The following TMX1 variants were observed in gnomAD, a reference collection of about 807,000 sequenced individuals.
TMX1 encodes the protein thioredoxin related transmembrane protein 1.
TMX1 carries 25 observed loss-of-function variants against 36.6 expected under a neutral mutation model. The observed-to-expected ratio is 0.68, with a 90% CI of 0.50 to 0.95. TMX1 has a LOEUF of 0.95. TMX1 is among the 40% of genes least tolerant of loss of function. The pLI, the probability that TMX1 is intolerant of heterozygous loss-of-function variation, is 0.00. For synonymous variants in TMX1, 133 were observed against 118.0 expected (o/e 1.13, Z -0.82); for missense variants, 347 against 339.6 (o/e 1.02, Z -0.17).
chr14:51,253,676 A>G (rs1242066198), intron 7 of TMX1, among the ~76,000 whole-genome samples: 2 of 152,166 alleles, frequency 1.3e-5, no homozygotes, highest in African/African-American at 4.8e-5. Flanking sequence ...AAGGGTGTGT[A>G]TTTATTCATT....
chr14:51,245,663 G>C (rs1485936481), intron 3 of TMX1: 4 of 431,942 alleles, frequency 9.3e-6, no homozygotes, highest in African/African-American at 8.1e-5. Flanking sequence ...AGTCCTGTAG[G>C]TAATTGGATA....
At position 51,255,205 on chromosome 14, in the gene TMX1, T is replaced by C. The variant is rs1204385693; in HGVS notation, c.*686T>C. 6.6e-6 allele frequency: 1 copy of C among 152,072 alleles called. No homozygotes were observed. The highest frequency in any genetic ancestry group is 1.5e-5 in the Non-Finnish European group (1 of 67,908). 9.4% of individuals were successfully genotyped at this position (152,072 alleles called of 1,614,324 possible). On this transcript the variant is annotated 3_prime_UTR_variant, in exon 8 of 8. Transcript: ENST00000457354. Reference sequence around the variant, plus strand: ...TTTCTTACTTACTATGGGTTACATTTTTTATTTTTCAAATTGGATGATAAT... The same window carrying C: ...TTTCTTACTTACTATGGGTTACATTCTTTATTTTTCAAATTGGATGATAAT...
At chr14:51,249,403 T>C in intron 5 of TMX1, 32 bp downstream of exon 5, 2 of 1,597,304 alleles carry the variant, frequency 1.3e-6, no homozygotes, top group Non-Finnish European at 1.7e-6. Flanking sequence ...TCTTAAACAT[T>C]TTTACCACTA....
In TMX1 at chr14:51,249,692, G is replaced by A. The variant is rs759828500; in HGVS notation, c.592-1G>A. The A allele has an allele frequency of 3.1e-6, 5 of 1,612,954 alleles. No homozygotes were observed. The highest frequency in any genetic ancestry group is 4.2e-6 in the Non-Finnish European group (5 of 1,179,354). ...ATTTCTTACAATGTTTATTTTTACA[G>A]TGTATGATATTTGTGGCAGATTGCC... On this transcript the variant is annotated splice_acceptor_variant, in intron 6 of 7. Coordinates refer to ENST00000457354, the MANE Select transcript of TMX1 (RefSeq NM_030755.5). LOFTEE classifies it high-confidence loss of function.
intron 7 of TMX1, among the ~76,000 whole-genome samples, chr14:51,251,419 C>T (rs1271467722): frequency 6.6e-6 from 1 of 152,080 alleles, no homozygotes; most frequent in Non-Finnish European, 1.5e-5. Context: ...AGGGTATAAC[C>T]CCATCATAAG....
chr14:51,241,215 A>G (rs191482694), intron 1 of TMX1, among the ~76,000 whole-genome samples: 13 of 152,194 alleles, frequency 8.5e-5, no homozygotes, highest in African/African-American at 3.1e-4. Flanking sequence ...GAAATCATGT[A>G]TTTTGTGTGG....
In TMX1 at chr14:51,249,313, C is replaced by G. The variant is rs1444487938; in HGVS notation, c.444-13C>G. ...ATGTTACTCAGTTTTTTAATCATCT[C>G]TTTTATTTTTAGGATGAGTAGTATG... is the stretch of plus-strand genomic sequence containing the variant. On this transcript the variant is annotated splice_polypyrimidine_tract_variant and intron_variant, in intron 4 of 7. Coordinates refer to ENST00000457354, the MANE Select transcript of TMX1 (RefSeq NM_030755.5). The G allele has an allele frequency of 1.9e-6, 3 of 1,595,446 alleles. No individual in the cohort carries two copies. Among genetic ancestry groups the G allele is most frequent in the Non-Finnish European group, 2.6e-6 (3 of 1,173,138 alleles).
At chr14:51,244,099 G>C (rs1405467475) in intron 2 of TMX1, 128 bp downstream of exon 2, 2 of 723,792 alleles carry the variant, frequency 2.8e-6, no homozygotes, top group Non-Finnish European at 4.1e-6. Flanking sequence ...TCTGCAGCTA[G>C]TTAACCTGAC....
chr14:51,240,489 C>G (rs182673948), intron 1 of TMX1, 45 bp downstream of exon 1: 3 of 1,586,020 alleles, frequency 1.9e-6, no homozygotes, highest in South Asian at 2.2e-5. Flanking sequence ...CCTGGACACA[C>G]GACTTCACCC....
intron 1 of TMX1, 110 bp downstream of exon 1, chr14:51,240,554 G>A (rs901047874): frequency 1.8e-5 from 26 of 1,434,404 alleles, no homozygotes; most frequent in East Asian, 2.5e-5. Flanking sequence ...CCGAGTTGCG[G>A]AGCGAGCGTC....
chr14:51,250,088 A>C (rs2065804723), intron 7 of TMX1, among the ~76,000 whole-genome samples: 1 of 152,216 alleles, frequency 6.6e-6, no homozygotes, highest in South Asian at 2.1e-4. Context: ...GAAGTCTTTC[A>C]TTAGTATACC....
intron 3 of TMX1, among the ~76,000 whole-genome samples, chr14:51,246,320 C>T (rs1030618250): frequency 2.0e-5 from 3 of 152,060 alleles, no homozygotes; most frequent in Non-Finnish European, 2.9e-5. Context: ...TCCTGCCTGT[C>T]GAAATCTTAC....
chr14:51,241,326 T>G (rs1210046646), intron 1 of TMX1, among the ~76,000 whole-genome samples: 1 of 152,240 alleles, frequency 6.6e-6, no homozygotes, highest in East Asian at 1.9e-4. Flanking sequence ...TTATACATAT[T>G]AGCAGTATTT....
In TMX1 at chr14:51,255,767, T is replaced by C. The variant is rs949573141; in HGVS notation, c.*1248T>C. On this transcript the variant is annotated 3_prime_UTR_variant, in exon 8 of 8. Transcript: ENST00000457354. ...ATTTTTACTCCTTAAAGAGCTAGAATACATAGTTTTCACCTTAAAAGAAGG... is the reference window on the plus strand; with the variant it reads ...ATTTTTACTCCTTAAAGAGCTAGAACACATAGTTTTCACCTTAAAAGAAGG... 1 of 152,094 alleles carries C rather than the reference T, an allele frequency of 6.6e-6. No homozygotes were observed. The highest frequency in any genetic ancestry group is 1.5e-5 in the Non-Finnish European group (1 of 67,936). 9.4% of individuals were successfully genotyped at this position (152,094 alleles called of 1,614,324 possible).
At position 51,245,299 on chromosome 14, in the gene TMX1, T is replaced by A. The variant is rs933138095; in HGVS notation, c.269-14T>A. On this transcript the variant is annotated splice_polypyrimidine_tract_variant and intron_variant, in intron 2 of 7. Coordinates refer to ENST00000457354, the MANE Select transcript of TMX1 (RefSeq NM_030755.5). The stretch of plus-strand genomic sequence containing the variant: ...TGGCCTATGTAAAACCTGCTGTGTG[T>A]TCTTTATTTGTAGGACTGAGTGGAC... 5.0e-6 allele frequency: 8 copies of A among 1,613,472 alleles called. No individual in the cohort carries two copies. In the African/African-American group the frequency reaches 9.3e-5, roughly 19 times the overall value.
rs1309225543 is a variant in TMX1 at position 51,240,361 on chromosome 14, G to A, written c.69G>A (p.Trp23Ter). 1.1e-5 allele frequency: 17 copies of A among 1,613,934 alleles called. No individual in the cohort carries two copies. ...TGCTGTTGCTTTGGGGTGCTCCCTG[G>A]ACGCACGGGCGGCGGAGCAACGTTC... ...VLVLLLWGAPWTHGRRSNVRV... is the reference protein window; with the variant it reads ...VLVLLLWGAP The change falls in exon 1 of 8, where the codon TGG becomes TGA. Residue 23 changes from tryptophan (W) to a stop codon, truncating the protein, a stop_gained. Coordinates refer to ENST00000457354, the MANE Select transcript of TMX1 (RefSeq NM_030755.5). LOFTEE classifies it high-confidence loss of function.
At position 51,252,703 on chromosome 14, in the gene TMX1, A is replaced by G. The variant is rs539261798; in HGVS notation, c.665-1638A>G. On this transcript the variant is annotated intron_variant, in intron 7 of 7. Transcript: ENST00000457354. ...CACATGATTTGAATTGTTTTTCAGT[A>G]TGTGTGCTTGTCTTGATTTTGAGTT... is the stretch of plus-strand genomic sequence containing the variant. 1.2e-4 allele frequency among the ~76,000 whole-genome samples: 19 copies of G among 152,304 alleles called. No homozygotes were observed. In the South Asian group the frequency reaches 3.9e-3, roughly 32 times the overall value.
chr14:51,242,843 A>G (rs147956285), intron 1 of TMX1, among the ~76,000 whole-genome samples: 102 of 152,330 alleles, frequency 6.7e-4, no homozygotes, highest in Admixed American at 1.6e-3. Context: ...AGTTTTAGTA[A>G]TAGTCTGCTC....
chr14:51,251,960 A>G (rs201461917), intron 7 of TMX1, among the ~76,000 whole-genome samples: 1 of 152,138 alleles, frequency 6.6e-6, no homozygotes, highest in African/African-American at 2.4e-5. Context: ...GGTGTTGACC[A>G]TACAAACTTT....
Sources: allele counts gnomAD v4.1 joint callset (sites outside exome capture counted in the v4.1 genomes callset), GRCh38; gene constraint gnomAD v4.1.1; transcripts MANE v1.5; gene names NCBI Gene and HGNC (gene_info 2026-07-23, HGNC 2026-07-21).